Variants in SLC25A3 observed in about 807,000 individuals in gnomAD.
SLC25A3 encodes phosphate transport protein.
In SLC25A3, 14 loss-of-function variants were observed where a neutral mutation model predicts 37.1. The observed-to-expected ratio is 0.38, with a 90% CI of 0.25 to 0.59. The LOEUF (loss-of-function observed/expected upper bound fraction) is 0.59, where lower values mean the gene tolerates loss of function less well. SLC25A3 is among the 20% of genes least tolerant of loss of function. The pLI, the probability that SLC25A3 is intolerant of heterozygous loss-of-function variation, is 0.67. For missense variants in SLC25A3, 385 were observed against 458.1 expected (o/e 0.84, Z 1.46); for synonymous variants, 161 against 168.7 (o/e 0.95, Z 0.36).
chr12:98,593,781 G>C (rs1481500125), intron 1 of SLC25A3, 41 bp downstream of exon 1: 1 of 625,384 alleles, frequency 1.6e-6, no homozygotes, highest in Non-Finnish European at 2.8e-6. Context: ...GGTGTGGGGA[G>C]CGGAGCCCAG....
In SLC25A3 at chr12:98,594,149, C is replaced by G. The variant is rs759862020; in HGVS notation, c.157+14C>G. 6.3e-7 allele frequency: 1 copy of G among 1,599,444 alleles called. No homozygotes were observed. The highest frequency in any genetic ancestry group is 8.5e-7 in the Non-Finnish European group (1 of 1,171,032). ...CCGCCGTGGAAGGTGAGATCAGACC[C>G]TGCCCAATACAGTCGTGTGGTCTAC... On this transcript the variant is annotated intron_variant, in intron 2 of 7. Transcript: ENST00000552981.
rs761219201 is a variant in SLC25A3, at chr12:98,601,181, T to C, written c.825T>C (p.Phe275=). ...TTTATCTTTTTTCAGCTGGAGTCTT[T>C]TGTGCAATTGTTTCTCACCCTGCTG... The part of the protein sequence containing the change: ...TFVAGYIAGV[F]CAIVSHPADS... The change falls in exon 7 of 8, where the codon TTT becomes TTC. Residue 275 remains phenylalanine (F), a synonymous_variant. Coordinates refer to ENST00000552981, the MANE Select transcript of SLC25A3 (RefSeq NM_002635.4). 2 of 1,612,926 alleles carry C rather than the reference T, an allele frequency of 1.2e-6. No individual in the cohort carries two copies. The highest frequency in any genetic ancestry group is 1.7e-5 in the Admixed American group (1 of 60,028).
intron 6 of SLC25A3, among the ~76,000 whole-genome samples, chr12:98,600,631 C>CA (rs1480877325): frequency 1.3e-5 from 2 of 152,110 alleles, no homozygotes; most frequent in Non-Finnish European, 2.9e-5. Flanking sequence ...AGGCTGGTCT[C>CA]AAACTCCTGG....
chr12:98,600,420 G>GC (rs2097596841), intron 6 of SLC25A3, among the ~76,000 whole-genome samples: 1 of 148,236 alleles, frequency 6.7e-6, no homozygotes, highest in Non-Finnish European at 1.5e-5. Context: ...TTTGTTTTTT[G>GC]TTTTTTTTTG....
chr12:98,595,512 A>C, intron 2 of SLC25A3: 1 of 1,613,982 alleles, frequency 6.2e-7, no homozygotes, highest in East Asian at 2.2e-5. Context: ...GTGGCACAAC[A>C]CATACAGCAT....
intron 5 of SLC25A3, chr12:98,599,627 A>G (rs771529658): frequency 3.7e-6 from 2 of 543,612 alleles, no homozygotes; most frequent in Non-Finnish European, 7.2e-6. Flanking sequence ...AAGAATTTCC[A>G]TGACCACAAC....
chr12:98,598,321 A>G (rs2097594746), intron 4 of SLC25A3: 2 of 842,636 alleles, frequency 2.4e-6, no homozygotes, highest in East Asian at 2.7e-5. Context: ...GGGGCATGGC[A>G]TCTAGATATT....
chr12:98,595,091 G>A (rs2097591842), intron 2 of SLC25A3: 1 of 300,126 alleles, frequency 3.3e-6, no homozygotes, highest in Admixed American at 4.8e-5. Flanking sequence ...CCTTTTACAT[G>A]TCGAGTGATC....
chr12:98,598,281 A>G (rs1387819648), intron 4 of SLC25A3: 1 of 703,408 alleles, frequency 1.4e-6, no homozygotes, highest in Non-Finnish European at 2.3e-6. Context: ...TTTTTTAGAG[A>G]AGGGCTCTGG....
At position 98,603,306 on chromosome 12, in the gene SLC25A3, T is replaced by C. The variant is rs1280206311; in HGVS notation, c.*1778T>C. On this transcript the variant is annotated 3_prime_UTR_variant, in exon 8 of 8. Coordinates refer to ENST00000552981, the MANE Select transcript of SLC25A3 (RefSeq NM_002635.4). Reference sequence around the variant, plus strand: ...AGTGGTATAGTCTTTCCCGAAAATCTCTAGCATGGTGGCTTCAGGGCAGCT... The same window carrying C: ...AGTGGTATAGTCTTTCCCGAAAATCCCTAGCATGGTGGCTTCAGGGCAGCT... The C allele has an allele frequency of 6.6e-6, 1 of 152,228 alleles. No individual in the cohort carries two copies. Among genetic ancestry groups the C allele is most frequent in the Non-Finnish European group, 1.5e-5 (1 of 68,046 alleles). 9.4% of individuals were successfully genotyped at this position (152,228 alleles called of 1,614,324 possible). A position where few individuals can be genotyped will look rare whatever the true frequency, so the allele number is the denominator to read the frequency against.
At chr12:98,600,216 A>C in intron 6 of SLC25A3, 89 bp downstream of exon 6, 1 of 924,622 alleles carries the variant, frequency 1.1e-6, no homozygotes. Context: ...AAAATACTCC[A>C]AAGGTTATAA....
chr12:98,598,751 T>C (rs2097595159), intron 5 of SLC25A3, 48 bp downstream of exon 5: 1 of 1,501,828 alleles, frequency 6.7e-7, no homozygotes, highest in African/African-American at 1.4e-5. Context: ...TTATTTTAAG[T>C]GAACTTCATT....
intron 1 of SLC25A3, 22 bp from the exon 2 acceptor site, chr12:98,593,953 C>T (rs985785765): frequency 5.6e-6 from 9 of 1,613,734 alleles, no homozygotes; most frequent in Middle Eastern, 1.7e-4. Flanking sequence ...TGTCCTCTAA[C>T]CGTCGCTCCC....
In SLC25A3 at chr12:98,597,858, G is replaced by A; in HGVS notation, c.282G>A (p.Val94=). The change falls in exon 4 of 8, where the codon GTG becomes GTA. Residue 94 remains valine, a splice_region_variant and synonymous_variant. Coordinates refer to ENST00000552981, the MANE Select transcript of SLC25A3 (RefSeq NM_002635.4). ...TTTTTTTCTTGTTTTAAATAAAGGT[G>A]GACCCCCAAAAGTACAAGGGCATAT... ...PLDLVKCRMQ[V]DPQKYKGIFN... 1 of 1,611,476 alleles carries A rather than the reference G, an allele frequency of 6.2e-7. No homozygotes were observed. The highest frequency in any genetic ancestry group is 8.5e-7 in the Non-Finnish European group (1 of 1,178,036).
intron 6 of SLC25A3, 49 bp downstream of exon 6, chr12:98,600,176 AT>A (rs2097596590): frequency 7.9e-7 from 1 of 1,263,292 alleles, no homozygotes; most frequent in African/African-American, 1.5e-5. Flanking sequence ...ACAAATAATC[AT>A]TTCCATTATT....
chr12:98,597,582 C>T (rs1319031029), intron 3 of SLC25A3: 2 of 386,822 alleles, frequency 5.2e-6, no homozygotes, highest in African/African-American at 4.2e-5. Flanking sequence ...CGCCACCATG[C>T]CCGTCCAATT....
intron 2 of SLC25A3, chr12:98,595,215 G>T: frequency 1.8e-6 from 1 of 561,644 alleles, no homozygotes; most frequent in South Asian, 2.2e-5. Context: ...AAATTAATAT[G>T]GCAGAATACG....
chr12:98,599,523 T>C lies in SLC25A3; in HGVS notation c.642-432T>C, dbSNP rs554236392. The C allele has an allele frequency of 1.0e-4, 44 of 430,122 alleles. 1 individual carries two copies. Among genetic ancestry groups the C allele is most frequent in the African/African-American group, 8.6e-4 (42 of 48,922 alleles). The allele number at this position is 430,122 out of a possible 1,614,324, so 26.6% of individuals were successfully genotyped here. Reference sequence around the variant, plus strand: ...TTTTTTTCCCTAGAGTAAGGACCATTTGTCGGTCTACAAATGACTTGATGT... The same window carrying C: ...TTTTTTTCCCTAGAGTAAGGACCATCTGTCGGTCTACAAATGACTTGATGT... On this transcript the variant is annotated intron_variant, in intron 5 of 7. Transcript: ENST00000552981.
In SLC25A3 at chr12:98,604,408, T is replaced by C. The variant is rs1465527368; in HGVS notation, c.*2880T>C. The C allele has an allele frequency of 1.3e-5, 2 of 151,908 alleles. No individual in the cohort carries two copies. Among genetic ancestry groups the C allele is most frequent in the Middle Eastern group, 6.3e-3 (2 of 316 alleles). The allele number at this position is 151,908 out of a possible 1,614,324, so 9.4% of individuals were successfully genotyped here. On this transcript the variant is annotated 3_prime_UTR_variant, in exon 8 of 8. Transcript: ENST00000552981. Reference sequence around the variant, plus strand: ...AAGGAATCCTGATTTTATGAAATTATGCCTTCTGATAGGTGCAACAAAATT... The same window carrying C: ...AAGGAATCCTGATTTTATGAAATTACGCCTTCTGATAGGTGCAACAAAATT...
Sources: allele counts gnomAD v4.1 joint callset (sites outside exome capture counted in the v4.1 genomes callset), GRCh38; gene constraint gnomAD v4.1.1; transcripts MANE v1.5; gene names NCBI Gene and HGNC (gene_info 2026-07-23, HGNC 2026-07-21).